Variants in CDH12 observed in about 807,000 individuals in gnomAD.
CDH12 encodes the protein cadherin-12.
Under a neutral mutation model 74.1 loss-of-function variants are expected in CDH12, and 41 were observed. The ratio of observed to expected loss-of-function variants is 0.55; its 90% CI spans 0.43 to 0.72. The LOEUF (loss-of-function observed/expected upper bound fraction) is 0.72, where lower values mean the gene tolerates loss of function less well. CDH12 is among the 30% of genes least tolerant of loss of function. The pLI is 0.00. For synonymous variants in CDH12, 399 were observed against 355.0 expected (o/e 1.12, Z -1.39); for missense variants, 945 against 977.2 (o/e 0.97, Z 0.44).
intron 1 of CDH12, among the ~76,000 whole-genome samples, chr5:22,663,762 A>C (rs761320816): frequency 6.6e-6 from 1 of 152,126 alleles, no homozygotes; most frequent in South Asian, 2.1e-4. Flanking sequence ...TAAAGTGTTC[A>C]TTTCATTTAT....
intron 2 of CDH12, among the ~76,000 whole-genome samples, chr5:22,423,420 G>A (rs921096280): frequency 6.6e-6 from 1 of 152,132 alleles, no homozygotes; most frequent in African/African-American, 2.4e-5. Flanking sequence ...GTGCTCCAGA[G>A]TAGGTAATCC....
intron 2 of CDH12, among the ~76,000 whole-genome samples, chr5:22,450,991 T>A (rs1745020588): frequency 6.6e-6 from 1 of 151,620 alleles, no homozygotes; most frequent in South Asian, 2.1e-4. Flanking sequence ...GTCTTTTAGA[T>A]CTCAGATCCA....
intron 3 of CDH12, among the ~76,000 whole-genome samples, chr5:22,220,275 T>C (rs1751967195): frequency 6.6e-6 from 1 of 151,730 alleles, no homozygotes; most frequent in Non-Finnish European, 1.5e-5. Flanking sequence ...CAGATGTTAT[T>C]GAGAAAATAT....
intron 1 of CDH12, among the ~76,000 whole-genome samples, chr5:22,550,276 A>G (rs1163559451): frequency 3.9e-5 from 6 of 152,148 alleles, no homozygotes; most frequent in Non-Finnish European, 5.9e-5. Flanking sequence ...ACAATTTCAT[A>G]TATCATTTGT....
chr5:21,883,616 A>C, intron 6 of CDH12: 1 of 1,609,344 alleles, frequency 6.2e-7, no homozygotes, highest in Non-Finnish European at 8.5e-7. Context: ...CTCATGACTT[A>C]GGAAAAGTTG....
chr5:22,852,066 C>G (rs1472950204), intron 1 of CDH12, among the ~76,000 whole-genome samples: 1 of 152,112 alleles, frequency 6.6e-6, no homozygotes, highest in East Asian at 1.9e-4. Context: ...AGAATCTACT[C>G]TATTTGAATT....
intron 1 of CDH12, chr5:22,580,763 G>C (rs1375069051): frequency 3.5e-6 from 1 of 282,094 alleles, no homozygotes; most frequent in East Asian, 7.8e-5. Context: ...TTATTGGATA[G>C]CATCCTCTCC....
chr5:22,692,998 C>A (rs538258332), intron 1 of CDH12, among the ~76,000 whole-genome samples: 7 of 151,030 alleles, frequency 4.6e-5, no homozygotes, highest in Non-Finnish European at 7.4e-5. Context: ...TTACTCCATG[C>A]TTTGTTTTCT....
At chr5:22,007,565 C>T (rs1363194828) in intron 5 of CDH12, among the ~76,000 whole-genome samples, 1 of 152,124 alleles carries the variant, frequency 6.6e-6, no homozygotes, top group African/African-American at 2.4e-5. Context: ...TTGTTTGTAT[C>T]AGTTGGCCTG....
chr5:22,009,618 T>C, intron 5 of CDH12, among the ~76,000 whole-genome samples: 1 of 152,176 alleles, frequency 6.6e-6, no homozygotes, highest in Non-Finnish European at 1.5e-5. Context: ...AACTCAACTG[T>C]GCAGTAAAAA....
chr5:22,194,762 C>A (rs920234936), intron 4 of CDH12, among the ~76,000 whole-genome samples: 6 of 152,142 alleles, frequency 3.9e-5, no homozygotes, highest in African/African-American at 1.4e-4. Context: ...GTTATTCTTT[C>A]CCTGTAGCTA....
intron 3 of CDH12, among the ~76,000 whole-genome samples, chr5:22,308,809 A>AACACACAC (rs774664506): frequency 2.1e-4 from 18 of 85,300 alleles, no homozygotes; most frequent in Admixed American, 4.2e-4. Flanking sequence ...CAAATACACA[A>AACACACAC]ACACACACAC....
At chr5:22,433,615 A>T (rs1320473737) in intron 2 of CDH12, among the ~76,000 whole-genome samples, 1 of 152,122 alleles carries the variant, frequency 6.6e-6, no homozygotes. Flanking sequence ...AAGACATATA[A>T]AATTTTAATA....
intron 3 of CDH12, among the ~76,000 whole-genome samples, chr5:22,307,459 G>C (rs1458269347): frequency 6.6e-6 from 1 of 152,120 alleles, no homozygotes; most frequent in East Asian, 1.9e-4. Context: ...CAATGTGTAT[G>C]GGTGCTTTGA....
chr5:22,710,008 A>T, intron 1 of CDH12, among the ~76,000 whole-genome samples: 1 of 152,192 alleles, frequency 6.6e-6, no homozygotes, highest in Non-Finnish European at 1.5e-5. Flanking sequence ...TAGCAAAGAA[A>T]ATGCAACAAA....
chr5:22,586,063 C>T (rs978487641), intron 1 of CDH12, among the ~76,000 whole-genome samples: 1 of 152,078 alleles, frequency 6.6e-6, no homozygotes, highest in Non-Finnish European at 1.5e-5. Flanking sequence ...TGGCACTATT[C>T]AGAATAGCAA....
At chr5:22,731,062 C>G (rs1322771037) in intron 1 of CDH12, among the ~76,000 whole-genome samples, 2 of 151,794 alleles carry the variant, frequency 1.3e-5, no homozygotes, top group African/African-American at 4.8e-5. Flanking sequence ...TCAAAAGCAT[C>G]CTTTAAGACT....
chr5:22,318,846 G>A (rs935364590), intron 3 of CDH12, among the ~76,000 whole-genome samples: 1 of 152,064 alleles, frequency 6.6e-6, no homozygotes, highest in South Asian at 2.1e-4. Context: ...TCAGGCTTGT[G>A]TAACCCGATC....
At chr5:22,688,224 T>C (rs1320928247) in intron 1 of CDH12, among the ~76,000 whole-genome samples, 1 of 152,152 alleles carries the variant, frequency 6.6e-6, no homozygotes, top group Admixed American at 6.6e-5. Flanking sequence ...AGATAAAATA[T>C]ATTAGATAGT....
Sources: gnomAD v4.1 joint callset for allele counts (sites outside exome capture counted in the v4.1 genomes callset) on GRCh38, gnomAD v4.1.1 for gene constraint, MANE v1.5 for transcripts, NCBI Gene and HGNC (gene_info 2026-07-23, HGNC 2026-07-21) for gene names.